Variants in RND2 observed in about 807,000 individuals in gnomAD.
RND2 encodes the protein rho-related GTP-binding protein RhoN.
Under a neutral mutation model 25.9 loss-of-function variants are expected in RND2, and 16 were observed. That is an observed-to-expected ratio of 0.62 (90% confidence interval 0.42 to 0.94). RND2 has a LOEUF of 0.94. Ranked by LOEUF, RND2 falls within the 40% of genes least tolerant of loss-of-function variation. The pLI is 0.00. For missense variants in RND2, 276 were observed against 305.5 expected (o/e 0.90, Z 0.72); for synonymous variants, 97 against 118.1 (o/e 0.82, Z 1.16).
chr17:43,028,122 T>C lies in RND2; in HGVS notation c.362T>C (p.Leu121Pro), dbSNP rs202089892. ...NAKVVLVGCK[L>P]DMRTDLATLR... Reference sequence around the variant, plus strand: ...AAGGTTGTGCTGGTTGGCTGTAAACTGGACATGCGGACTGACCTGGCCACA... The same window carrying C: ...AAGGTTGTGCTGGTTGGCTGTAAACCGGACATGCGGACTGACCTGGCCACA... Residue 121 changes from leucine (L) to proline (P), a missense_variant, in exon 4 of 5, where the codon CTG (leucine) becomes CCG (proline). By Grantham distance (98) the Leu-to-Pro change is moderately conservative. Coordinates refer to ENST00000587250, the MANE Select transcript of RND2 (RefSeq NM_005440.5). The C allele has an allele frequency of 5.0e-6, 8 of 1,614,008 alleles. No individual in the cohort carries two copies. Among genetic ancestry groups the C allele is most frequent in the Non-Finnish European group, 6.8e-6 (8 of 1,180,036 alleles).
At position 43,027,183 on chromosome 17, in the gene RND2, G is replaced by A. The variant is rs763612742; in HGVS notation, c.191G>A (p.Gly64Asp). The change falls in exon 3 of 5, where the codon GGT (glycine) becomes GAT (aspartate). Residue 64 changes from glycine (G) to aspartate (D), a missense_variant and splice_region_variant. Coordinates refer to ENST00000587250, the MANE Select transcript of RND2 (RefSeq NM_005440.5). ...RIELNMWDTS[G>D]SSYYDNVRPL... The stretch of plus-strand genomic sequence containing the variant: ...CCCCTCATGCCCTGTCTTCCTTCAG[G>A]TTCCTCTTACTATGATAATGTCCGG... The A allele has an allele frequency of 6.3e-7, 1 of 1,593,914 alleles. No homozygotes were observed. The highest frequency in any genetic ancestry group is 8.6e-7 in the Non-Finnish European group (1 of 1,168,782).
At chr17:43,025,598 AAG>A (rs1229562316) in intron 1 of RND2, 149 bp downstream of exon 1, 1 of 1,104,800 alleles carries the variant, frequency 9.1e-7, no homozygotes, top group Non-Finnish European at 1.3e-6. Flanking sequence ...AGGGCTCAGG[AAG>A]GACTGCAGAG....
chr17:43,025,901 A>G, intron 1 of RND2, 59 bp from the exon 2 acceptor site: 1 of 1,247,678 alleles, frequency 8.0e-7, no homozygotes, highest in Non-Finnish European at 1.1e-6. Flanking sequence ...TGAGGAGGGC[A>G]TTTATCTGGG....
chr17:43,026,727 T>C (rs2050626150), intron 2 of RND2, among the ~76,000 whole-genome samples: 1 of 152,206 alleles, frequency 6.6e-6, no homozygotes. Flanking sequence ...TCCATTGAAC[T>C]AGATAAATCT....
chr17:43,025,491 G>C (rs1409053380), intron 1 of RND2, 42 bp downstream of exon 1: 2 of 1,530,162 alleles, frequency 1.3e-6, no homozygotes, highest in East Asian at 5.0e-5. Flanking sequence ...TAAGGCTGCT[G>C]GGGGGTGGGT....
chr17:43,028,275 T>TA (rs1160157735), intron 4 of RND2, 80 bp downstream of exon 4: 9 of 1,599,552 alleles, frequency 5.6e-6, no homozygotes, highest in Non-Finnish European at 6.8e-6. Context: ...GAAAACACCT[T>TA]ACCTGGCTCA....
chr17:43,025,631 G>A (rs2050614585), intron 1 of RND2, 182 bp downstream of exon 1: 1 of 377,366 alleles, frequency 2.6e-6, no homozygotes, highest in Non-Finnish European at 3.6e-6. Context: ...GGAGGAATTA[G>A]GGAGCAGGGT....
At chr17:43,025,499 G>T (rs1315399022) in intron 1 of RND2, 50 bp downstream of exon 1, 16 of 1,527,826 alleles carry the variant, frequency 1.0e-5, no homozygotes, top group Non-Finnish European at 1.4e-5. Context: ...CTGGGGGGTG[G>T]GTGACAGGGG....
chr17:43,028,197 TG>T lies in RND2; in HGVS notation c.435+5del. 6.2e-7 allele frequency: 1 copy of T among 1,614,100 alleles called. No individual in the cohort carries two copies. The highest frequency in any genetic ancestry group is 8.5e-7 in the Non-Finnish European group (1 of 1,180,000). ...CTTATCCCTGTTACACATGAGCAGG[TG>T]GGACCCTTGACGTCTGACCTCATCC... On this transcript the variant is annotated splice_donor_region_variant and intron_variant, in intron 4 of 4. Transcript: ENST00000587250.
Position 43,027,121 on chromosome 17 carries a change from GTCTCCCAT to G in RND2, c.191-59_191-52del, listed in dbSNP as rs2151974359. On this transcript the variant is annotated intron_variant, in intron 2 of 4. Transcript: ENST00000587250. ...GCATCCCTTGACCAGGATCTGTAAG[GTCTCCCAT>G]TCCCTTCCAGGCCTCCCATCCACTC... 3 of 1,012,758 alleles carry G rather than the reference GTCTCCCAT, an allele frequency of 3.0e-6. No individual in the cohort carries two copies. The African/African-American group carries it at 4.8e-5, about 16-fold the overall frequency. 62.7% of individuals were successfully genotyped at this position (1,012,758 alleles called of 1,614,324 possible). A position where few individuals can be genotyped will look rare whatever the true frequency, so the allele number is the denominator to read the frequency against.
rs1172332333 is a variant in RND2, at chr17:43,030,321, AC to A, written c.*1642del. On this transcript the variant is annotated 3_prime_UTR_variant, in exon 5 of 5. Transcript: ENST00000587250. Reference sequence around the variant, plus strand: ...AGCCCTAGCCAGTTCTCCCAGACACACTGGAAGAGAACACTGACCTTACCCA... The same window carrying A: ...AGCCCTAGCCAGTTCTCCCAGACACATGGAAGAGAACACTGACCTTACCCA... The A allele has an allele frequency of 6.6e-6, 1 of 152,616 alleles. No homozygotes were observed. 9.5% of individuals were successfully genotyped at this position (152,616 alleles called of 1,614,324 possible). A position where few individuals can be genotyped will look rare whatever the true frequency, so the allele number is the denominator to read the frequency against.
In RND2 at chr17:43,026,176, T is replaced by C; in HGVS notation, c.190+129T>C. ...ATTCCAACAGGAAGGGAAAAATCAA[T>C]ATTCTGCTAAAATCCAGGGAAACTG... On this transcript the variant is annotated intron_variant, in intron 2 of 4. Coordinates refer to ENST00000587250, the MANE Select transcript of RND2 (RefSeq NM_005440.5). 7 of 594,868 alleles carry C rather than the reference T, an allele frequency of 1.2e-5. No homozygotes were observed. The South Asian group carries it at 1.5e-4, about 13-fold the overall frequency. 36.8% of individuals were successfully genotyped at this position (594,868 alleles called of 1,614,324 possible).
chr17:43,025,486 C>T (rs2050613199), intron 1 of RND2, 37 bp downstream of exon 1: 2 of 1,482,280 alleles, frequency 1.3e-6, no homozygotes, highest in South Asian at 1.3e-5. Context: ...GACGCTAAGG[C>T]TGCTGGGGGG....
In RND2 at chr17:43,028,497, G is replaced by A; in HGVS notation, c.501G>A (p.Glu167=). The A allele has an allele frequency of 6.2e-7, 1 of 1,614,252 alleles. No individual in the cohort carries two copies. Among genetic ancestry groups the A allele is most frequent in the Non-Finnish European group, 8.5e-7 (1 of 1,180,048 alleles). ...TTGAGTGCTCCTCCCGGTCCTCTGA[G>A]CGCAGCGTCAGGGATGTCTTCCATG... is the stretch of plus-strand genomic sequence containing the variant. ...SYVECSSRSS[E]RSVRDVFHVA... Residue 167 remains glutamate (E), a synonymous_variant, in exon 5 of 5, where the codon GAG becomes GAA. Transcript: ENST00000587250.
rs56288510 is a variant in RND2, at chr17:43,029,904, CAAAAAAAAAAAAAAA to C, written c.*1234_*1248del. On this transcript the variant is annotated 3_prime_UTR_variant, in exon 5 of 5. Transcript: ENST00000587250. ...GGATGACAGAGCAAGACTCTGTCTCCAAAAAAAAAAAAAAAAAAAAAAAAGAAGGCATCAAAAGCC... is the reference window on the plus strand; with the variant it reads ...GGATGACAGAGCAAGACTCTGTCTCCAAAAAAAAAGAAGGCATCAAAAGCC... 3 of 55,682 alleles carry C rather than the reference CAAAAAAAAAAAAAAA, an allele frequency of 5.4e-5. No individual in the cohort carries two copies. The highest frequency in any genetic ancestry group is 9.7e-5 in the Non-Finnish European group (3 of 31,022). 3.4% of individuals were successfully genotyped at this position (55,682 alleles called of 1,614,324 possible).
chr17:43,025,874 T>C (rs1412123098), intron 1 of RND2, 86 bp from the exon 2 acceptor site: 3 of 712,690 alleles, frequency 4.2e-6, no homozygotes, highest in Non-Finnish European at 6.4e-6. Context: ...GGGGCTGGGC[T>C]GGACGGGGTG....
chr17:43,027,448 C>G (rs948968738), intron 3 of RND2, among the ~76,000 whole-genome samples, 156 bp downstream of exon 3: 6 of 152,170 alleles, frequency 3.9e-5, no homozygotes, highest in Non-Finnish European at 5.9e-5. Flanking sequence ...TGCCTCCAGC[C>G]CCCATCCCTC....
rs749210916 is a variant in RND2 at position 43,027,288 on chromosome 17, A to T, written c.296A>T (p.Lys99Met). The change falls in exon 3 of 5, where the codon AAG (lysine) becomes ATG (methionine). Residue 99 changes from lysine (K) to methionine (M), a missense_variant. By Grantham distance (95) the Lys-to-Met change is moderately conservative. Transcript: ENST00000587250. ...CCAGAAACACTGGACAGTGTTCTCA[A>T]GAAGGTGGGAGCCTGGGGAAATAGG... ...SRPETLDSVLKKWQGETQEFC... is the reference protein window; with the variant it reads ...SRPETLDSVLMKWQGETQEFC... 3 of 1,606,114 alleles carry T rather than the reference A, an allele frequency of 1.9e-6. No individual in the cohort carries two copies. The South Asian group carries it at 3.3e-5, about 18-fold the overall frequency.
In RND2 at chr17:43,030,349, C is replaced by T. The variant is rs2050662975; in HGVS notation, c.*1669C>T. ...GGAAGAGAACACTGACCTTACCCAA[C>T]TATCTGCTGGGATCCCACCCAAATT... On this transcript the variant is annotated 3_prime_UTR_variant, in exon 5 of 5. Coordinates refer to ENST00000587250, the MANE Select transcript of RND2 (RefSeq NM_005440.5). 1 of 152,834 alleles carries T rather than the reference C, an allele frequency of 6.5e-6. No individual in the cohort carries two copies. Among genetic ancestry groups the T allele is most frequent in the Non-Finnish European group, 1.5e-5 (1 of 68,148 alleles). 9.5% of individuals were successfully genotyped at this position (152,834 alleles called of 1,614,324 possible).
Sources: allele counts gnomAD v4.1 joint callset (sites outside exome capture counted in the v4.1 genomes callset), GRCh38; gene constraint gnomAD v4.1.1; transcripts MANE v1.5; gene names NCBI Gene and HGNC (gene_info 2026-07-23, HGNC 2026-07-21).